Variants in ANKHD1 observed in about 807,000 individuals in gnomAD.
The protein encoded by ANKHD1 is ankyrin repeat and KH domain containing 1, also known as ankyrin repeat and KH domain-containing protein 1.
In ANKHD1, 31 loss-of-function variants were observed where a neutral mutation model predicts 230.5. That is an observed-to-expected ratio of 0.13 (90% CI 0.10 to 0.18). The LOEUF (loss-of-function observed/expected upper bound fraction) is 0.18. Ranked by LOEUF, ANKHD1 falls within the 10% of genes least tolerant of loss-of-function variation. The pLI is 1.00. For synonymous variants in ANKHD1, 1,074 were observed against 1,117.6 expected, an observed-to-expected ratio of 0.96 and a Z score of 0.78; for missense variants, 2,256 against 3,071.3, an observed-to-expected ratio of 0.73 and a Z score of 6.27.
At chr5:140,457,789 C>T (rs1236818935) in intron 7 of ANKHD1, among the ~76,000 whole-genome samples, 4 of 151,660 alleles carry the variant, frequency 2.6e-5, no homozygotes, top group South Asian at 2.1e-4. Flanking sequence ...ACCAACATGG[C>T]ACACGTATAC....
At chr5:140,516,665 C>T (rs1200538638) in intron 24 of ANKHD1, among the ~76,000 whole-genome samples, 2 of 152,006 alleles carry the variant, frequency 1.3e-5, no homozygotes, top group Non-Finnish European at 2.9e-5. Flanking sequence ...ATTTTCAACC[C>T]AGAATTTCAT....
intron 1 of ANKHD1, among the ~76,000 whole-genome samples, chr5:140,413,956 T>C (rs987949727): frequency 2.0e-5 from 3 of 152,078 alleles, no homozygotes; most frequent in Non-Finnish European, 4.4e-5. Context: ...AATTTTTGTA[T>C]TTTTAGTGGA....
rs909431091 is a variant in ANKHD1, at chr5:140,539,225, A to G, written c.7570-134A>G. On this transcript the variant is annotated intron_variant, in intron 33 of 33. Coordinates refer to ENST00000360839, the MANE Select transcript of ANKHD1 (RefSeq NM_017747.3). Reference sequence around the variant, plus strand: ...GCTTTTTCAATATCAAGATGATGCTACTGAACACTTTATTTAATATATGTG... The same window carrying G: ...GCTTTTTCAATATCAAGATGATGCTGCTGAACACTTTATTTAATATATGTG... 4 of 1,535,622 alleles carry G rather than the reference A, an allele frequency of 2.6e-6. No homozygotes were observed. The African/African-American group carries it at 4.2e-5, about 16-fold the overall frequency.
chr5:140,415,229 A>G (rs1771265984), intron 1 of ANKHD1, among the ~76,000 whole-genome samples: 1 of 151,506 alleles, frequency 6.6e-6, no homozygotes, highest in Admixed American at 6.6e-5. Flanking sequence ...TAAAAAATAC[A>G]AAAATTAGCC....
intron 1 of ANKHD1, among the ~76,000 whole-genome samples, chr5:140,411,471 A>G (rs1330573665): frequency 6.6e-6 from 1 of 151,424 alleles, no homozygotes; most frequent in Non-Finnish European, 1.5e-5. Context: ...TATAGTTTAT[A>G]ATCCATAGTT....
chr5:140,427,238 T>C, intron 1 of ANKHD1, among the ~76,000 whole-genome samples: 1 of 137,020 alleles, frequency 7.3e-6, no homozygotes, highest in East Asian at 2.3e-4. Context: ...GAGGTGCCCC[T>C]CACCTCCCAG....
chr5:140,487,103 C>T, intron 14 of ANKHD1, 43 bp downstream of exon 14: 5 of 1,572,628 alleles, frequency 3.2e-6, no homozygotes, highest in Non-Finnish European at 4.3e-6. Context: ...TATTTTTTCA[C>T]CTAATTGATA....
chr5:140,446,538 TTTAGTAGAGATAGGGTTTCACTATG>T (rs1406102404), intron 6 of ANKHD1, among the ~76,000 whole-genome samples: 2 of 151,980 alleles, frequency 1.3e-5, no homozygotes, highest in Non-Finnish European at 2.9e-5. Context: ...TTTTTGTATT[TTTAGTAGAGATAGGGTTTCACTATG>T]TTGGCCAGGC....
chr5:140,406,727 G>C (rs1770489980), intron 1 of ANKHD1, among the ~76,000 whole-genome samples: 1 of 151,930 alleles, frequency 6.6e-6, no homozygotes, highest in East Asian at 1.9e-4. Flanking sequence ...CAGAAATGGG[G>C]GTTTCACCAT....
chr5:140,485,621 G>C lies in ANKHD1; in HGVS notation c.2031G>C (p.Lys677Asn). ...CAACAATGCTCATTGAAGCTGCAAAGGGTGGCCATACTAATGTAGTTTCTT... is the reference window on the plus strand; with the variant it reads ...CAACAATGCTCATTGAAGCTGCAAACGGTGGCCATACTAATGTAGTTTCTT... The part of the protein sequence containing the change: ...DGSTMLIEAA[K>N]GGHTNVVSYL... The change falls in exon 13 of 34, where the codon AAG (lysine) becomes AAC (asparagine). Residue 677 changes from lysine to asparagine, a missense_variant. By Grantham distance (94) the Lys-to-Asn change is moderately conservative. Transcript: ENST00000360839. The surrounding 1 kb of genome is among the most constrained non-coding windows in gnomAD (Gnocchi z 4.8). 1 of 1,613,988 alleles carries C rather than the reference G, an allele frequency of 6.2e-7. No individual in the cohort carries two copies. The highest frequency in any genetic ancestry group is 8.5e-7 in the Non-Finnish European group (1 of 1,179,972).
In ANKHD1 at chr5:140,524,074, A is replaced by G. The variant is rs949193709; in HGVS notation, c.4326A>G (p.Glu1442=). Residue 1442 remains glutamate, a synonymous_variant, in exon 25 of 34, where the codon GAA becomes GAG. Transcript: ENST00000360839. The part of the protein sequence containing the change: ...LKELDLEKSR[E]ESRKQALAAK... ...ACCTGCTTTATTTCCAGTCAAGAGA[A>G]GAGAGCAGAAAGCAGGCTCTTGCTG... 2 of 1,579,102 alleles carry G rather than the reference A, an allele frequency of 1.3e-6. No homozygotes were observed. The highest frequency in any genetic ancestry group is 2.1e-5 in the Admixed American group (1 of 48,096).
At chr5:140,464,221 ACTAT>A (rs1356480915) in intron 9 of ANKHD1, among the ~76,000 whole-genome samples, 4 of 150,050 alleles carry the variant, frequency 2.7e-5, no homozygotes, top group African/African-American at 9.9e-5. Flanking sequence ...ACAGAGTGAG[ACTAT>A]CTCTCAAAAA....
At chr5:140,454,790 A>G (rs1424755167) in intron 7 of ANKHD1, among the ~76,000 whole-genome samples, 2 of 152,224 alleles carry the variant, frequency 1.3e-5, no homozygotes, top group African/African-American at 4.8e-5. Flanking sequence ...CCCTAACATC[A>G]CAATTAAAAG....
In ANKHD1 at chr5:140,528,400, G is replaced by A; in HGVS notation, c.5454G>A (p.Gln1818=). The A allele has an allele frequency of 6.2e-7, 1 of 1,614,016 alleles. No individual in the cohort carries two copies. The highest frequency in any genetic ancestry group is 8.5e-7 in the Non-Finnish European group (1 of 1,180,020). ...PLGAPTLVTS[Q]ATTLSTFQPA... is the part of the protein sequence containing the mutation. ...GTGCTCCAACTCTTGTAACTTCACA[G>A]GCAACAACGTTATCTACGTTCCAGC... is the stretch of plus-strand genomic sequence containing the variant. Residue 1818 remains glutamine (Q), a synonymous_variant, in exon 29 of 34, where the codon CAG becomes CAA. Transcript: ENST00000360839.
At chr5:140,409,250 GA>G (rs1171523692) in intron 1 of ANKHD1, among the ~76,000 whole-genome samples, 2 of 152,176 alleles carry the variant, frequency 1.3e-5, no homozygotes, top group African/African-American at 4.8e-5. Context: ...AGAAGGTACT[GA>G]AAGGTTTAAT....
intron 2 of ANKHD1, 36 bp from the exon 3 acceptor site, chr5:140,438,425 G>A: frequency 2.0e-6 from 3 of 1,485,936 alleles, no homozygotes; most frequent in Non-Finnish European, 2.7e-6. Flanking sequence ...TTTTTTTGTT[G>A]TTCTGCACTA....
intron 30 of ANKHD1, 157 bp downstream of exon 30, chr5:140,535,695 T>G: frequency 9.0e-7 from 1 of 1,105,220 alleles, no homozygotes; most frequent in Non-Finnish European, 1.2e-6. Flanking sequence ...TCAGTCATTT[T>G]TAGCATAGAA....
At chr5:140,484,905 G>A in intron 11 of ANKHD1, 1 of 625,482 alleles carries the variant, frequency 1.6e-6, no homozygotes, top group Non-Finnish European at 2.2e-6. Flanking sequence ...CACAAGATGG[G>A]GCTTTTGGTA....
intron 1 of ANKHD1, among the ~76,000 whole-genome samples, chr5:140,435,505 G>C (rs1561716081): frequency 6.6e-6 from 1 of 151,640 alleles, no homozygotes; most frequent in Non-Finnish European, 1.5e-5. Context: ...AGTCTCCTGA[G>C]TAGCTGGGAT....
Sources: allele counts gnomAD v4.1 joint callset (sites outside exome capture counted in the v4.1 genomes callset), GRCh38; gene constraint gnomAD v4.1.1; non-coding constraint Gnocchi (gnomAD v3.1); transcripts MANE v1.5; gene names NCBI Gene and HGNC (gene_info 2026-07-23, HGNC 2026-07-21).